Variants in KIF22 observed in about 807,000 individuals in gnomAD.
The protein encoded by KIF22 is kinesin family member 22.
In KIF22, 62 loss-of-function variants were observed where a neutral mutation model predicts 73.0. The ratio of observed to expected loss-of-function variants is 0.85; its 90% CI spans 0.69 to 1.05. The LOEUF (loss-of-function observed/expected upper bound fraction) is 1.05, where lower values mean the gene tolerates loss of function less well. Among genes scored for constraint, KIF22 ranks in the 50% least tolerant of loss-of-function variants. The probability of loss-of-function intolerance (pLI) is 0.00; values close to 1 mark genes in which losing one functional copy is unlikely to be tolerated. For synonymous variants in KIF22, 411 were observed against 340.1 expected, an observed-to-expected ratio of 1.21 and a Z score of -2.29; for missense variants, 854 against 870.1, an observed-to-expected ratio of 0.98 and a Z score of 0.23.
intron 1 of KIF22, chr16:29,791,311 C>T (rs1898809143): frequency 3.3e-6 from 3 of 916,756 alleles, no homozygotes; most frequent in Non-Finnish European, 3.9e-6. Flanking sequence ...GAGGAACAGA[C>T]CCGGCTGCTG....
chr16:29,797,050 T>C lies in KIF22; in HGVS notation c.228T>C (p.Ile76=). ...VRGMDSCSLE[I]ANWRNHQETL... is the part of the protein sequence containing the mutation. ...GCATGGACAGCTGCTCTCTAGAGAT[T>C]GCTAACTGGAGGAACCACCAGGAGA... The change falls in exon 2 of 14, where the codon ATT becomes ATC. Residue 76 remains isoleucine, a synonymous_variant. Transcript: ENST00000160827. The surrounding 1 kb of genome is among the most constrained non-coding windows in gnomAD (Gnocchi z 4.1). 6.2e-7 allele frequency: 1 copy of C among 1,605,440 alleles called. No homozygotes were observed. Among genetic ancestry groups the C allele is most frequent in the Non-Finnish European group, 8.5e-7 (1 of 1,174,306 alleles).
At position 29,804,082 on chromosome 16, in the gene KIF22, G is replaced by T. The variant is rs932307425; in HGVS notation, c.1677+17G>T. ...AAGAGAAAGGTGAAAGTAGCTGGGG[G>T]CTTAGGCTACACCTGGAGCCCAGAA... On this transcript the variant is annotated intron_variant, in intron 11 of 13. Transcript: ENST00000160827. 5.6e-6 allele frequency: 9 copies of T among 1,606,122 alleles called. No individual in the cohort carries two copies. The highest frequency in any genetic ancestry group is 7.7e-6 in the Non-Finnish European group (9 of 1,172,902).
chr16:29,796,119 A>C lies in KIF22; in HGVS notation c.71-774A>C, dbSNP rs540588103. Among the ~76,000 whole-genome samples the C allele has an allele frequency of 1.5e-3, 232 of 152,018 alleles. 2 individuals are homozygous for C. Among genetic ancestry groups the C allele is most frequent in the Non-Finnish European group, 2.9e-3 (197 of 67,960 alleles). ...AACCCTGTTTCTACTGAAGATACAA[A>C]AACTAGCCAGGAGTGGTGTTGGGGA... On this transcript the variant is annotated intron_variant, in intron 1 of 13. Transcript: ENST00000160827.
intron 11 of KIF22, 35 bp downstream of exon 11, chr16:29,804,100 G>A (rs1419584146): frequency 6.4e-7 from 1 of 1,561,466 alleles, no homozygotes; most frequent in South Asian, 1.1e-5. Flanking sequence ...TACACCTGGA[G>A]CCCAGAAGTA....
At chr16:29,800,503 G>A (rs919573815) in intron 8 of KIF22, among the ~76,000 whole-genome samples, 10 of 150,222 alleles carry the variant, frequency 6.7e-5, no homozygotes, top group Non-Finnish European at 1.2e-4. Context: ...GGTGGCTCAC[G>A]CCTGTAATCC....
In KIF22 at chr16:29,798,792, G is replaced by C; in HGVS notation, c.549+45G>C. 1 of 1,598,738 alleles carries C rather than the reference G, an allele frequency of 6.3e-7. No individual in the cohort carries two copies. The highest frequency in any genetic ancestry group is 1.3e-5 in the African/African-American group (1 of 74,582). ...GGGAGAGGAGCAACAAAGGGTCAAA[G>C]TAAGACCTGGTTCTAGAACATGAAG... On this transcript the variant is annotated intron_variant, in intron 4 of 13. Transcript: ENST00000160827. This position sits in a 1 kb window ranked among gnomAD's most constrained non-coding sequence, Gnocchi z 4.1.
intron 8 of KIF22, among the ~76,000 whole-genome samples, chr16:29,801,234 C>A (rs986234830): frequency 2.0e-5 from 3 of 152,196 alleles, no homozygotes; most frequent in Admixed American, 6.5e-5. Flanking sequence ...ATCCTCAGGT[C>A]ATCTCTGTTC....
At position 29,790,776 on chromosome 16, in the gene KIF22, C is replaced by T. The variant is rs368873294; in HGVS notation, c.17C>T (p.Ser6Leu). 4.0e-5 allele frequency: 64 copies of T among 1,599,298 alleles called. No individual in the cohort carries two copies. The highest frequency in any genetic ancestry group is 1.7e-4 in the African/African-American group (13 of 74,740). Residue 6 changes from serine (S) to leucine (L), a missense_variant, in exon 1 of 14, where the codon TCG (serine) becomes TTG (leucine). This residue lies in a region of KIF22 where 186 missense variants were observed against 152.9 expected (regional missense o/e 1.22). Transcript: ENST00000160827. MAAGG[S>L]TQQRRREMAA... ...GGGAGTGGAATGGCCGCGGGCGGCT[C>T]GACGCAGCAGAGGCGACGCGAGATG...
At chr16:29,796,284 A>AACACAC (rs1407553871) in intron 1 of KIF22, among the ~76,000 whole-genome samples, 2 of 146,692 alleles carry the variant, frequency 1.4e-5, no homozygotes, top group African/African-American at 5.1e-5. Context: ...AAAAAAAAAA[A>AACACAC]ACACACACAC....
intron 1 of KIF22, among the ~76,000 whole-genome samples, chr16:29,795,524 C>T (rs1280741717): frequency 6.6e-6 from 1 of 152,154 alleles, no homozygotes; most frequent in East Asian, 1.9e-4. Context: ...CTGCCAGGAG[C>T]TTTCCCAGTT....
intron 8 of KIF22, 129 bp downstream of exon 8, chr16:29,800,177 G>A (rs1288569677): frequency 1.1e-5 from 12 of 1,131,150 alleles, no homozygotes; most frequent in South Asian, 6.5e-5. Flanking sequence ...ACCCTAGGCC[G>A]GATGCGGTGG....
At chr16:29,803,803 G>GTA (rs1028207839) in intron 10 of KIF22, among the ~76,000 whole-genome samples, 195 bp downstream of exon 10, 2 of 152,208 alleles carry the variant, frequency 1.3e-5, no homozygotes, top group African/African-American at 4.8e-5. Flanking sequence ...GGACAAACGA[G>GTA]TAGAGGATTG....
At chr16:29,795,996 C>T (rs551390332) in intron 1 of KIF22, among the ~76,000 whole-genome samples, 2 of 152,160 alleles carry the variant, frequency 1.3e-5, no homozygotes, top group South Asian at 4.2e-4. Context: ...ACAGGCTGGG[C>T]AGGGTGGCTC....
intron 11 of KIF22, chr16:29,804,369 G>A (rs1275649238): frequency 3.3e-6 from 2 of 601,052 alleles, no homozygotes; most frequent in East Asian, 5.5e-5. Flanking sequence ...AGTCAAGCAA[G>A]AAACCACACA....
In KIF22 at chr16:29,804,990, C is replaced by T. The variant is rs1054453; in HGVS notation, c.1854C>T (p.Ile618=). ...TTGGCCCGAAGAAGGCCCAGCTAAT[C>T]GTGGGCTGGCGGGAGCTCCACGGCC... ...QRIGPKKAQL[I]VGWRELHGPF... is the part of the protein sequence containing the mutation. The change falls in exon 12 of 14, where the codon ATC becomes ATT. Residue 618 remains isoleucine (I), a synonymous_variant. Transcript: ENST00000160827. 5.3e-6 allele frequency: 8 copies of T among 1,519,160 alleles called. No homozygotes were observed. In the South Asian group the frequency reaches 5.6e-5, roughly 11 times the overall value. The allele number at this position is 1,519,160 out of a possible 1,614,324, so 94.1% of individuals were successfully genotyped here.
chr16:29,803,996 A>G lies in KIF22; in HGVS notation c.1610-2A>G. The stretch of plus-strand genomic sequence containing the variant: ...ACTCCAATTCTCGATTCCTACTTTC[A>G]GTTCAGGAGCAGGCAGCATCCCCAA... On this transcript the variant is annotated splice_acceptor_variant, in intron 10 of 13. Coordinates refer to ENST00000160827, the MANE Select transcript of KIF22 (RefSeq NM_007317.3). LOFTEE classifies it high-confidence loss of function. 6.2e-7 allele frequency: 1 copy of G among 1,612,920 alleles called. No homozygotes were observed. Among genetic ancestry groups the G allele is most frequent in the Non-Finnish European group, 8.5e-7 (1 of 1,178,894 alleles).
chr16:29,795,103 T>C (rs559628988), intron 1 of KIF22, among the ~76,000 whole-genome samples: 3 of 152,336 alleles, frequency 2.0e-5, no homozygotes, highest in Admixed American at 2.0e-4. Flanking sequence ...CAAAACATCC[T>C]GTGAAAGCAG....
Position 29,796,903 on chromosome 16 carries a change from C to T in KIF22, c.81C>T (p.Arg27=). The T allele has an allele frequency of 6.2e-7, 1 of 1,614,106 alleles. No homozygotes were observed. The highest frequency in any genetic ancestry group is 8.5e-7 in the Non-Finnish European group (1 of 1,179,994). Residue 27 remains arginine, a synonymous_variant, in exon 2 of 14, where the codon CGC becomes CGT. Coordinates refer to ENST00000160827, the MANE Select transcript of KIF22 (RefSeq NM_007317.3). The part of the protein sequence containing the change: ...ASAAAISGAG[R]CRLSKIGATR... ...TCTTCTCTCCTCCAGGAGCTGGTCG[C>T]TGTCGGCTAAGCAAGATTGGAGCTA...
intron 1 of KIF22, among the ~76,000 whole-genome samples, chr16:29,794,349 T>C (rs962531018): frequency 6.6e-6 from 1 of 152,150 alleles, no homozygotes; most frequent in Non-Finnish European, 1.5e-5. Context: ...TCTAAGCACT[T>C]TTACATGAAT....
Sources: allele counts gnomAD v4.1 joint callset (sites outside exome capture counted in the v4.1 genomes callset), GRCh38; gene constraint gnomAD v4.1.1; regional missense constraint gnomAD v4.1.1; non-coding constraint Gnocchi (gnomAD v3.1); transcripts MANE v1.5; gene names NCBI Gene and HGNC (gene_info 2026-07-23, HGNC 2026-07-21).